The following SMARCA1 variants were observed in gnomAD, a reference collection of about 807,000 sequenced individuals.
SMARCA1 encodes SWI/SNF-related matrix-associated actin-dependent regulator of chromatin subfamily A member 1.
In SMARCA1, 17 loss-of-function variants were observed where a neutral mutation model predicts 93.6. That is an observed-to-expected ratio of 0.18 (90% CI 0.12 to 0.27). The LOEUF (loss-of-function observed/expected upper bound fraction) is 0.27, where lower values mean the gene tolerates loss of function less well. Ranked by LOEUF, SMARCA1 falls within the 10% of genes least tolerant of loss-of-function variation. The pLI, the probability that SMARCA1 is intolerant of heterozygous loss-of-function variation, is 1.00. For synonymous variants in SMARCA1, 271 were observed against 271.4 expected (o/e 1.00, Z 0.01); for missense variants, 630 against 819.0 (o/e 0.77, Z 2.82).
At chrX:129,505,812 T>C (rs1934787027) in intron 8 of SMARCA1, among the ~76,000 whole-genome samples, 1 of 111,140 alleles carries the variant, frequency 9.0e-6, no homozygotes, top group Non-Finnish European at 1.9e-5. Context: ...TGCACTACTA[T>C]GGACTCAGCC....
chrX:129,457,940 AC>A (rs760539128), intron 23 of SMARCA1, among the ~76,000 whole-genome samples: 15 of 111,371 alleles, frequency 1.3e-4, no homozygotes, highest in Non-Finnish European at 2.5e-4. Flanking sequence ...CCTTCACTTA[AC>A]CCTTTTCTTA....
At chrX:129,488,286 CA>C (rs34476497) in intron 16 of SMARCA1, among the ~76,000 whole-genome samples, 4,980 of 46,570 alleles carry the variant, frequency 0.11, 169 homozygotes, top group African/African-American at 0.22. Context: ...TAGTCCAGTG[CA>C]AAAAAAAAAA....
intron 21 of SMARCA1, among the ~76,000 whole-genome samples, chrX:129,467,062 C>T (rs1932931430): frequency 8.9e-6 from 1 of 112,070 alleles, no homozygotes; most frequent in Admixed American, 9.5e-5. Flanking sequence ...TTATAAGCAC[C>T]TGTGTTCATT....
At chrX:129,510,791 C>T (rs1008700238) in intron 6 of SMARCA1, among the ~76,000 whole-genome samples, 1 of 111,490 alleles carries the variant, frequency 9.0e-6, no homozygotes, top group Non-Finnish European at 1.9e-5. Context: ...ACAATGGTGA[C>T]CAGAAAGAGT....
At chrX:129,456,879 G>A (rs1469669518) in intron 23 of SMARCA1, among the ~76,000 whole-genome samples, 8 of 112,285 alleles carry the variant, frequency 7.1e-5, no homozygotes, top group Non-Finnish European at 1.1e-4. Context: ...TTGTTGAGAT[G>A]ACAACAAAGG....
At chrX:129,511,065 A>G (rs1054596906) in intron 6 of SMARCA1, among the ~76,000 whole-genome samples, 6 of 111,374 alleles carry the variant, frequency 5.4e-5, no homozygotes, top group African/African-American at 2.0e-4. Flanking sequence ...TCTGGAGGCA[A>G]ATAAAGACAA....
At position 129,523,411 on chromosome X, in the gene SMARCA1, C is replaced by CG; in HGVS notation, c.-42dup. 2 of 1,097,235 alleles carry CG rather than the reference C, an allele frequency of 1.8e-6. No individual in the cohort carries two copies. Among genetic ancestry groups the CG allele is most frequent in the Non-Finnish European group, 2.4e-6 (2 of 828,141 alleles). 90.4% of individuals were successfully genotyped at this position (1,097,235 alleles called of 1,213,427 possible). A position where few individuals can be genotyped will look rare whatever the true frequency, so the allele number is the denominator to read the frequency against. On this transcript the variant is annotated 5_prime_UTR_variant, in exon 1 of 25. Coordinates refer to ENST00000371121, the MANE Select transcript of SMARCA1 (RefSeq NM_001282874.2). ...ACGAGTAGGGGGACAAGGCAGGGGA[C>CG]GAGGGCTCCTGGGCGGCGGCAGTGG...
At chrX:129,482,861 T>G (rs1406459266) in intron 17 of SMARCA1, among the ~76,000 whole-genome samples, 1 of 111,848 alleles carries the variant, frequency 8.9e-6, no homozygotes, top group Non-Finnish European at 1.9e-5. Flanking sequence ...TAATCCACCA[T>G]TAGTTGTCTC....
At chrX:129,509,255 C>A (rs1400430049) in intron 6 of SMARCA1, among the ~76,000 whole-genome samples, 5 of 110,516 alleles carry the variant, frequency 4.5e-5, no homozygotes, top group Non-Finnish European at 9.5e-5. Flanking sequence ...CTGTTCCCTG[C>A]AAAGTCTTTA....
At chrX:129,485,294 C>G (rs758288910) in intron 17 of SMARCA1, among the ~76,000 whole-genome samples, 25 of 112,472 alleles carry the variant, frequency 2.2e-4, no homozygotes, top group African/African-American at 8.1e-4. Context: ...CATTTTGGAG[C>G]TTTAATGCTG....
Position 129,471,323 on chromosome X carries a change from G to C in SMARCA1, c.2446C>G (p.Pro816Ala). 2 of 1,187,743 alleles carry C rather than the reference G, an allele frequency of 1.7e-6. No homozygotes were observed. The highest frequency in any genetic ancestry group is 1.1e-6 in the Non-Finnish European group (1 of 880,834). Residue 816 changes from proline (P) to alanine (A), a missense_variant, in exon 20 of 25, where the codon CCA becomes GCA. This residue lies in a region of SMARCA1 where 52 missense variants were observed against 38.3 expected (regional missense o/e 1.36). Transcript: ENST00000371121. ...YYRKTIGYKV[P>A]RNPDIPNPAL... is the part of the protein sequence containing the mutation. ...GGATTTGGGATATCAGGATTCCTTG[G>C]AACCTATAAATCAAGAGATAAACTA...
At chrX:129,498,731 ATCTTAG>A (rs1934435197) in intron 10 of SMARCA1, among the ~76,000 whole-genome samples, 1 of 111,937 alleles carries the variant, frequency 8.9e-6, no homozygotes, top group African/African-American at 3.2e-5. Flanking sequence ...CCAAGCTGTG[ATCTTAG>A]TCTGAGTCCA....
At position 129,503,671 on chromosome X, in the gene SMARCA1, T is replaced by G. The variant is rs141313231; in HGVS notation, c.1167+1063A>C. Among the ~76,000 whole-genome samples the G allele has an allele frequency of 3.5e-3, 384 of 111,233 alleles. 5 individuals carry two copies. The East Asian group carries it at 0.041, about 12-fold the overall frequency. On this transcript the variant is annotated intron_variant, in intron 9 of 24. Coordinates refer to ENST00000371121, the MANE Select transcript of SMARCA1 (RefSeq NM_001282874.2). ...GAGATGAGAAATTGCGATCAAAGAA[T>G]AGAAAGTTGGGGCCAGGCACAGTGG...
Position 129,518,579 on chromosome X carries a change from A to C in SMARCA1, c.175-132T>G, listed in dbSNP as rs1331866431. The C allele has an allele frequency of 4.0e-5, 15 of 377,188 alleles. No homozygotes were observed. In the East Asian group the frequency reaches 6.1e-4, roughly 15 times the overall value. 31.1% of individuals were successfully genotyped at this position (377,188 alleles called of 1,213,427 possible). On this transcript the variant is annotated intron_variant, in intron 1 of 24. Transcript: ENST00000371121. ...ATAAATCAATGTGGGACATGTATGG[A>C]CCAATGATGAGAGCATGTCACAAAA...
intron 12 of SMARCA1, among the ~76,000 whole-genome samples, chrX:129,494,635 G>T (rs937003315): frequency 1.8e-5 from 2 of 111,237 alleles, no homozygotes; most frequent in Non-Finnish European, 3.8e-5. Context: ...CCCTAAAGGT[G>T]TAAGGGAGAA....
At chrX:129,452,262 C>A (rs1306780797) in intron 23 of SMARCA1, among the ~76,000 whole-genome samples, 3 of 111,943 alleles carry the variant, frequency 2.7e-5, no homozygotes, top group Non-Finnish European at 1.9e-5. Flanking sequence ...TGGGGGATTA[C>A]AGGGAATTGT....
intron 14 of SMARCA1, 87 bp from the exon 15 acceptor site, chrX:129,490,279 T>C: frequency 1.7e-6 from 1 of 593,456 alleles, no homozygotes; most frequent in Admixed American, 3.9e-5. Flanking sequence ...AAAAATAAAA[T>C]TAGTTATTTT....
chrX:129,459,779 A>G (rs768642864), intron 23 of SMARCA1, among the ~76,000 whole-genome samples: 12 of 112,461 alleles, frequency 1.1e-4, no homozygotes, highest in Non-Finnish European at 2.3e-4. Context: ...AAACTTAAAT[A>G]CAACAGTTCT....
rs1569434356 is a variant in SMARCA1 at position 129,479,715 on chromosome X, T to TTTTG, written c.2442+985_2442+986insCAAA. Among the ~76,000 whole-genome samples, 111 of 87,115 alleles carry TTTTG rather than the reference T, an allele frequency of 1.3e-3. 1 individual carries two copies. Among genetic ancestry groups the TTTTG allele is most frequent in the African/African-American group, 5.7e-3 (107 of 18,635 alleles). The allele number at this position is 87,115 out of a possible 115,157, so 75.6% of individuals were successfully genotyped here. A position where few individuals can be genotyped will look rare whatever the true frequency, so the allele number is the denominator to read the frequency against. On this transcript the variant is annotated intron_variant, in intron 19 of 24. Transcript: ENST00000371121. ...ATTTTATTTTATTTTATTTTATTTT[T>TTTTG]GGGACAGAGTCTCCCTCTGTCGCCC...
Sources: allele counts gnomAD v4.1 joint callset (sites outside exome capture counted in the v4.1 genomes callset), GRCh38; gene constraint gnomAD v4.1.1; regional missense constraint gnomAD v4.1.1; transcripts MANE v1.5; gene names NCBI Gene and HGNC (gene_info 2026-07-23, HGNC 2026-07-21).